The following CLDN14 variants were observed in gnomAD, a reference collection of about 807,000 sequenced individuals.
CLDN14 encodes the protein claudin 14, also known as claudin-14.
Under a neutral mutation model 2.1 loss-of-function variants are expected in CLDN14, and 2 were observed. That is an observed-to-expected ratio of 0.96 (90% CI 0.39 to 3.01). The LOEUF (loss-of-function observed/expected upper bound fraction) is 3.01. Ranked by LOEUF, CLDN14 falls within the 30% of genes most tolerant of loss-of-function variation. The probability of loss-of-function intolerance (pLI) is 0.09; values close to 1 mark genes in which losing one functional copy is unlikely to be tolerated. For synonymous variants in CLDN14, 136 were observed against 154.4 expected (o/e 0.88, Z 0.88); for missense variants, 298 against 328.0 (o/e 0.91, Z 0.71).
At chr21:36,554,224 C>G (rs1054544489) in intron 1 of CLDN14, among the ~76,000 whole-genome samples, 3 of 152,148 alleles carry the variant, frequency 2.0e-5, no homozygotes, top group African/African-American at 4.8e-5. Context: ...AGCATCCCAA[C>G]CCCCCCAGGC....
chr21:36,479,628 C>T lies in CLDN14; in HGVS notation c.-215G>A, dbSNP rs1299008997. The T allele has an allele frequency of 6.6e-6, 1 of 152,254 alleles. No homozygotes were observed. The highest frequency in any genetic ancestry group is 2.4e-5 in the African/African-American group (1 of 41,458). 9.4% of individuals were successfully genotyped at this position (152,254 alleles called of 1,614,324 possible). A position where few individuals can be genotyped will look rare whatever the true frequency, so the allele number is the denominator to read the frequency against. ...ACGCTGCCACCCTCCTGCCTTCCCT[C>T]TTCTGCCAACCAGACGCTTCCAGGA... On this transcript the variant is annotated 5_prime_UTR_variant, in exon 1 of 2. Transcript: ENST00000399135.
chr21:36,470,886 G>GCTGAA (rs2086702721), intron 1 of CLDN14, among the ~76,000 whole-genome samples: 1 of 152,256 alleles, frequency 6.6e-6, no homozygotes, highest in Non-Finnish European at 1.5e-5. Context: ...TGAGGTGGGA[G>GCTGAA]GATGGCTTGA....
intron 1 of CLDN14, among the ~76,000 whole-genome samples, chr21:36,462,550 A>G (rs1363849728): frequency 1.3e-5 from 2 of 152,134 alleles, no homozygotes; most frequent in African/African-American, 4.8e-5. Flanking sequence ...GCCCTTTCAA[A>G]GGCTTTTAAA....
intron 1 of CLDN14, among the ~76,000 whole-genome samples, chr21:36,515,728 G>A (rs2146488684): frequency 6.7e-6 from 1 of 150,188 alleles, no homozygotes; most frequent in Admixed American, 6.6e-5. Context: ...AGGACACTCG[G>A]GTACTAAAAA....
chr21:36,486,301 G>C lies in CLDN14; in HGVS notation c.-82+24062C>G, dbSNP rs756643295. On this transcript the variant is annotated intron_variant, in intron 2 of 2. Coordinates refer to the CLDN14 transcript ENST00000342108. ...GGAAGTCCGGTATGGCCAAACTCTT[G>C]TTGGCTAATGGTCATCTTCAGCAGG... is the stretch of plus-strand genomic sequence containing the variant. 12 of 802,470 alleles carry C rather than the reference G, an allele frequency of 1.5e-5. No individual in the cohort carries two copies. The South Asian group carries it at 1.7e-4, about 11-fold the overall frequency. 49.7% of individuals were successfully genotyped at this position (802,470 alleles called of 1,614,324 possible).
At chr21:36,543,778 T>C (rs1047690585) in intron 1 of CLDN14, among the ~76,000 whole-genome samples, 24 of 152,146 alleles carry the variant, frequency 1.6e-4, no homozygotes, top group Non-Finnish European at 2.5e-4. Context: ...AATTTACATA[T>C]ATTCATTTCC....
At chr21:36,567,178 C>T (rs2087679544) in intron 1 of CLDN14, among the ~76,000 whole-genome samples, 1 of 152,190 alleles carries the variant, frequency 6.6e-6, no homozygotes, top group Admixed American at 6.5e-5. Context: ...GCCTACCCTG[C>T]CTCACGTTGG....
At chr21:36,515,808 A>G (rs1325352720) in intron 1 of CLDN14, among the ~76,000 whole-genome samples, 8 of 7,830 alleles carry the variant, frequency 1.0e-3, no homozygotes, top group Non-Finnish European at 8.8e-3. Context: ...TTTTTTTGAG[A>G]CAGAGTCTCA....
At chr21:36,546,853 C>T (rs448332) in intron 1 of CLDN14, among the ~76,000 whole-genome samples, 126,381 of 152,174 alleles carry the variant, frequency 0.83, 53,001 homozygotes, top group Non-Finnish European at 0.9. Context: ...CACAACAAAT[C>T]AGCAGTTCTT....
At chr21:36,475,938 C>T (rs1482412711) in intron 1 of CLDN14, among the ~76,000 whole-genome samples, 2 of 152,054 alleles carry the variant, frequency 1.3e-5, no homozygotes, top group Non-Finnish European at 2.9e-5. Flanking sequence ...TCCCAAAGTG[C>T]TGGGATTACA....
chr21:36,470,490 A>G (rs528023497), intron 1 of CLDN14, among the ~76,000 whole-genome samples: 1 of 152,354 alleles, frequency 6.6e-6, no homozygotes, highest in African/African-American at 2.4e-5. Flanking sequence ...CAGGAGGCCC[A>G]GGACAGATGC....
chr21:36,526,169 C>G (rs1013455872), intron 1 of CLDN14: 1 of 152,128 alleles, frequency 6.6e-6, no homozygotes, highest in Non-Finnish European at 1.5e-5. Flanking sequence ...AAGGGTCAGA[C>G]GGTAAATATT....
At chr21:36,506,216 G>C (rs1157028567) in intron 2 of CLDN14, among the ~76,000 whole-genome samples, 1 of 152,242 alleles carries the variant, frequency 6.6e-6, no homozygotes, top group Admixed American at 6.5e-5. Context: ...TGCAGTTACT[G>C]ATATGCAAAG....
At chr21:36,503,578 AT>A (rs1404108926) in intron 2 of CLDN14, among the ~76,000 whole-genome samples, 1 of 152,104 alleles carries the variant, frequency 6.6e-6, no homozygotes, top group African/African-American at 2.4e-5. Context: ...TTCCACCATG[AT>A]TGTGAAGCTT....
intron 1 of CLDN14, among the ~76,000 whole-genome samples, chr21:36,464,755 C>T (rs1466593837): frequency 6.6e-6 from 1 of 152,248 alleles, no homozygotes; most frequent in Non-Finnish European, 1.5e-5. Flanking sequence ...TCCCAACAAC[C>T]TAATGTGGCA....
intron 1 of CLDN14, among the ~76,000 whole-genome samples, chr21:36,521,521 CA>C (rs1256911615): frequency 1.3e-5 from 2 of 152,180 alleles, no homozygotes; most frequent in African/African-American, 4.8e-5. Flanking sequence ...GTTCCCATGG[CA>C]AAAACACAGA....
intron 1 of CLDN14, among the ~76,000 whole-genome samples, chr21:36,535,107 T>C (rs1282473533): frequency 2.6e-5 from 4 of 152,236 alleles, no homozygotes; most frequent in Admixed American, 1.3e-4. Flanking sequence ...AAATGCTTTG[T>C]GGGCTGGGTG....
chr21:36,549,319 C>T (rs990128390), intron 1 of CLDN14, among the ~76,000 whole-genome samples: 9 of 151,976 alleles, frequency 5.9e-5, no homozygotes, highest in South Asian at 2.1e-4. Context: ...TGCCCCCCTC[C>T]GGCTACTGAG....
intron 2 of CLDN14, among the ~76,000 whole-genome samples, chr21:36,500,986 G>A (rs569770898): frequency 2.0e-5 from 3 of 152,342 alleles, no homozygotes; most frequent in East Asian, 1.9e-4. Context: ...AAGCAAACTC[G>A]GAGAGCTTAA....
Sources: allele counts gnomAD v4.1 joint callset (sites outside exome capture counted in the v4.1 genomes callset), GRCh38; gene constraint gnomAD v4.1.1; transcripts MANE v1.5; gene names NCBI Gene and HGNC (gene_info 2026-07-23, HGNC 2026-07-21).